Variants in GET4 observed in about 807,000 individuals in gnomAD.
GET4 encodes the protein Golgi to ER traffic protein 4 homolog.
In GET4, 20 loss-of-function variants were observed where a neutral mutation model predicts 40.0. That is an observed-to-expected ratio of 0.50 (90% CI 0.35 to 0.73). GET4 has a LOEUF of 0.73. GET4 is among the 30% of genes least tolerant of loss of function. The probability of loss-of-function intolerance (pLI) is 0.01; values close to 1 mark genes in which losing one functional copy is unlikely to be tolerated. For synonymous variants in GET4, 280 were observed against 194.6 expected, an observed-to-expected ratio of 1.44 and a Z score of -3.65; for missense variants, 557 against 454.0, an observed-to-expected ratio of 1.23 and a Z score of -2.06.
chr7:891,101 A>G (rs368471289), intron 5 of GET4, 35 bp downstream of exon 5: 5 of 1,544,460 alleles, frequency 3.2e-6, no homozygotes, highest in Non-Finnish European at 2.6e-6. Flanking sequence ...CTCGGCTTCC[A>G]TTGCTGCCTT....
At chr7:877,123 C>CT (rs1283634260) in intron 1 of GET4, among the ~76,000 whole-genome samples, 1 of 151,658 alleles carries the variant, frequency 6.6e-6, no homozygotes, top group East Asian at 1.9e-4. Context: ...CGGCCTTCCT[C>CT]TGTCTCCTCG....
At chr7:878,283 GTATTTTTGCTGTCATACAGT>G (rs1844009567) in intron 1 of GET4, 2 of 471,000 alleles carry the variant, frequency 4.2e-6, no homozygotes, top group Non-Finnish European at 8.8e-6. Context: ...CTCTGTTCCA[GTATTTTTGCTGTCATACAGT>G]TACTGCAGAA....
intron 1 of GET4, among the ~76,000 whole-genome samples, chr7:879,069 A>G (rs1187542885): frequency 6.6e-6 from 1 of 152,130 alleles, no homozygotes; most frequent in African/African-American, 2.4e-5. Flanking sequence ...TGAGAGCATC[A>G]CGCAGTGCAG....
intron 4 of GET4, 94 bp from the exon 5 acceptor site, chr7:890,834 G>A: frequency 9.6e-7 from 1 of 1,045,888 alleles, no homozygotes; most frequent in Non-Finnish European, 1.5e-6. Flanking sequence ...GGGCGGGCAG[G>A]TGGGCTAGAA....
At chr7:879,342 C>T (rs377454276) in intron 1 of GET4, among the ~76,000 whole-genome samples, 22 of 152,238 alleles carry the variant, frequency 1.4e-4, no homozygotes, top group African/African-American at 4.8e-4. Flanking sequence ...CAGCCCCAGC[C>T]ACGGAGTGGA....
chr7:888,723 C>G (rs1844246344), intron 4 of GET4, among the ~76,000 whole-genome samples: 1 of 152,256 alleles, frequency 6.6e-6, no homozygotes, highest in Non-Finnish European at 1.5e-5. Context: ...TCCCTGGCCT[C>G]TGGCGACAGC....
chr7:893,872 T>A, intron 7 of GET4, 27 bp from the exon 8 acceptor site: 1 of 1,611,824 alleles, frequency 6.2e-7, no homozygotes, highest in Non-Finnish European at 8.5e-7. Flanking sequence ...GTCCACCCCC[T>A]CTGAGCCCGC....
intron 1 of GET4, among the ~76,000 whole-genome samples, chr7:879,287 G>A (rs1241072106): frequency 6.6e-6 from 1 of 152,256 alleles, no homozygotes; most frequent in African/African-American, 2.4e-5. Context: ...TGGCCGGCAC[G>A]CCGCGGTGCC....
rs1301044551 is a variant in GET4, at chr7:894,080, G to A, written c.895+109G>A. On this transcript the variant is annotated intron_variant, in intron 8 of 8. Coordinates refer to ENST00000265857, the MANE Select transcript of GET4 (RefSeq NM_015949.3). ...GTCCTTCACGTGGAAGTGGTTTTCT[G>A]ATCTTTTAAATGTTTCTCAGTTTAC... 1.1e-5 allele frequency: 7 copies of A among 625,622 alleles called. No homozygotes were observed. The East Asian group carries it at 1.2e-4, about 10-fold the overall frequency. The allele number at this position is 625,622 out of a possible 1,614,324, so 38.8% of individuals were successfully genotyped here. A position where few individuals can be genotyped will look rare whatever the true frequency, so the allele number is the denominator to read the frequency against.
chr7:876,684 C>G lies in GET4; in HGVS notation c.39C>G (p.Ala13=), dbSNP rs1323093684. Residue 13 remains alanine, a synonymous_variant, in exon 1 of 9, where the codon GCC becomes GCG. Transcript: ENST00000265857. ...AAAAMAEQES[A]RNGGRNRGGV... ...CGGCGATGGCCGAGCAGGAGAGCGCCCGGAACGGCGGCCGCAACCGCGGCG... is the reference window on the plus strand; with the variant it reads ...CGGCGATGGCCGAGCAGGAGAGCGCGCGGAACGGCGGCCGCAACCGCGGCG... 42 of 1,346,280 alleles carry G rather than the reference C, an allele frequency of 3.1e-5. No individual in the cohort carries two copies. Among genetic ancestry groups the G allele is most frequent in the Non-Finnish European group, 4.1e-5 (42 of 1,035,870 alleles). The allele number at this position is 1,346,280 out of a possible 1,614,324, so 83.4% of individuals were successfully genotyped here.
At chr7:891,896 G>A (rs1057321240) in intron 5 of GET4, among the ~76,000 whole-genome samples, 2 of 152,266 alleles carry the variant, frequency 1.3e-5, no homozygotes, top group African/African-American at 4.8e-5. Flanking sequence ...TCCTCGAACA[G>A]AAGCCAGGGT....
chr7:878,033 T>C (rs963302870), intron 1 of GET4: 1 of 254,968 alleles, frequency 3.9e-6, no homozygotes, highest in African/African-American at 2.3e-5. Flanking sequence ...GTCGCTGGCG[T>C]TCCTCTCACC....
At chr7:887,749 C>T (rs981018327) in intron 4 of GET4, among the ~76,000 whole-genome samples, 6 of 152,198 alleles carry the variant, frequency 3.9e-5, no homozygotes, top group South Asian at 2.1e-4. Context: ...CAGGCCTTCC[C>T]GTGGGACGTT....
At chr7:895,184 G>C in intron 8 of GET4, 150 bp from the exon 9 acceptor site, 1 of 477,288 alleles carries the variant, frequency 2.1e-6, no homozygotes, top group East Asian at 3.4e-5. Flanking sequence ...TCCTGTCCCG[G>C]GGTTCCTGGG....
At chr7:876,845 C>CG in intron 1 of GET4, 45 bp downstream of exon 1, 1 of 1,061,558 alleles carries the variant, frequency 9.4e-7, no homozygotes. Flanking sequence ...CCGCCCCCGC[C>CG]GCCTCCCATT....
intron 1 of GET4, chr7:885,409 A>G (rs1167377272): frequency 6.5e-6 from 1 of 152,714 alleles, no homozygotes; most frequent in African/African-American, 2.4e-5. Context: ...GGTCCCCACC[A>G]TACCTCTCGC....
At chr7:884,386 G>A (rs1237025690) in intron 1 of GET4, 1 of 1,294,940 alleles carries the variant, frequency 7.7e-7, no homozygotes, top group African/African-American at 1.5e-5. Flanking sequence ...CTCCTGCTGT[G>A]GTGTTGGGGT....
chr7:887,702 G>A (rs1305234154), intron 4 of GET4, among the ~76,000 whole-genome samples, 183 bp downstream of exon 4: 1 of 152,234 alleles, frequency 6.6e-6, no homozygotes, highest in Non-Finnish European at 1.5e-5. Context: ...CACTGCACCC[G>A]AGAAGCTGCG....
At chr7:884,475 G>A in intron 1 of GET4, 1 of 739,002 alleles carries the variant, frequency 1.4e-6, no homozygotes, top group Non-Finnish European at 2.0e-6. Flanking sequence ...GGCTGACGGG[G>A]GTGCGGGGGC....
Sources: gnomAD v4.1 joint callset for allele counts (sites outside exome capture counted in the v4.1 genomes callset) on GRCh38, gnomAD v4.1.1 for gene constraint, MANE v1.5 for transcripts, NCBI Gene and HGNC (gene_info 2026-07-23, HGNC 2026-07-21) for gene names.